NAV2: variants seen among roughly 807,000 people sequenced by gnomAD.
NAV2 encodes the protein neuron navigator 2, also known as helicase, APC down-regulated 1.
A neutral mutation model predicts 223.2 loss-of-function variants in NAV2; 54 were observed. The ratio of observed to expected loss-of-function variants is 0.24; its 90% CI spans 0.19 to 0.30. The LOEUF (loss-of-function observed/expected upper bound fraction) is 0.30, where lower values mean the gene tolerates loss of function less well. Among genes scored for constraint, NAV2 ranks in the 10% least tolerant of loss-of-function variants. The probability of loss-of-function intolerance (pLI) is 1.00; values close to 1 mark genes in which losing one functional copy is unlikely to be tolerated. For missense variants in NAV2, 2,806 were observed against 3,147.5 expected, an observed-to-expected ratio of 0.89 and a Z score of 2.60; for synonymous variants, 1,279 against 1,239.3, an observed-to-expected ratio of 1.03 and a Z score of -0.67.
At chr11:19,862,352 C>T (rs560234197) in intron 3 of NAV2, among the ~76,000 whole-genome samples, 1 of 152,332 alleles carries the variant, frequency 6.6e-6, no homozygotes, top group South Asian at 2.1e-4. Context: ...GGCATAGGGA[C>T]TCATAAGCTG....
At chr11:20,099,864 C>A (rs1162465327) in intron 31 of NAV2, among the ~76,000 whole-genome samples, 1 of 151,994 alleles carries the variant, frequency 6.6e-6, no homozygotes, top group Non-Finnish European at 1.5e-5. Flanking sequence ...AATTTAGAGA[C>A]CCTACACTCC....
intron 1 of NAV2, among the ~76,000 whole-genome samples, chr11:19,654,460 C>A (rs1418957199): frequency 1.3e-5 from 2 of 152,168 alleles, no homozygotes; most frequent in South Asian, 4.1e-4. Context: ...AAGAACAAAG[C>A]TGGAAGCATC....
chr11:19,565,767 A>T (rs1233000005), intron 1 of NAV2, among the ~76,000 whole-genome samples: 2 of 152,208 alleles, frequency 1.3e-5, no homozygotes, highest in African/African-American at 4.8e-5. Flanking sequence ...ACCCAATGAG[A>T]TGTGCTTTTC....
intron 1 of NAV2, among the ~76,000 whole-genome samples, chr11:19,717,167 C>G (rs796291448): frequency 6.6e-5 from 10 of 152,354 alleles, no homozygotes; most frequent in African/African-American, 2.4e-4. Context: ...GGCAGGGAGT[C>G]CAGCAAGGTT....
chr11:19,963,590 G>A (rs905226075), intron 10 of NAV2, among the ~76,000 whole-genome samples: 1 of 152,176 alleles, frequency 6.6e-6, no homozygotes, highest in African/African-American at 2.4e-5. Context: ...TGTAGGAACT[G>A]AAAAAAATAG....
intron 1 of NAV2, among the ~76,000 whole-genome samples, chr11:19,402,801 A>G (rs1406106923): frequency 6.6e-6 from 1 of 152,244 alleles, no homozygotes; most frequent in African/African-American, 2.4e-5. Context: ...AGCACAGCGC[A>G]TGGCACATTG....
At chr11:19,381,326 C>A (rs538469021) in intron 1 of NAV2, among the ~76,000 whole-genome samples, 66 of 152,322 alleles carry the variant, frequency 4.3e-4, no homozygotes, top group African/African-American at 1.5e-3. Context: ...GACCCTAGCA[C>A]AGTCACTGGA....
chr11:19,493,240 C>T (rs113277864), intron 1 of NAV2, among the ~76,000 whole-genome samples: 11 of 151,140 alleles, frequency 7.3e-5, no homozygotes, highest in African/African-American at 2.2e-4. Context: ...GAATACTATA[C>T]TGGAATTAAA....
intron 1 of NAV2, among the ~76,000 whole-genome samples, chr11:19,567,226 A>G (rs1433875195): frequency 6.6e-6 from 1 of 152,098 alleles, no homozygotes; most frequent in Non-Finnish European, 1.5e-5. Flanking sequence ...TTGACTGTGG[A>G]CTTCTTGCAG....
chr11:19,759,128 T>G, intron 1 of NAV2, among the ~76,000 whole-genome samples: 1 of 132,104 alleles, frequency 7.6e-6, no homozygotes, highest in African/African-American at 2.8e-5. Context: ...AGATGGAATC[T>G]TGCTCTGTCA....
At position 19,744,194 on chromosome 11, in the gene NAV2, G is replaced by A. The variant is rs184664100; in HGVS notation, c.267+30232G>A. On this transcript the variant is annotated intron_variant, in intron 1 of 37. Transcript: ENST00000349880. ...TTTAAACCCATACTTCTGCCTCTAG[G>A]GCTTGCCTTTGTGTAGTTTAAGAGT... Among the ~76,000 whole-genome samples the A allele has an allele frequency of 3.2e-4, 48 of 152,246 alleles. No homozygotes were observed. In the East Asian group the frequency reaches 8.9e-3, roughly 28 times the overall value.
rs150549310 is a variant in NAV2, at chr11:20,054,114, G to T, written c.4516G>T (p.Asp1506Tyr). The T allele has an allele frequency of 1.1e-5, 17 of 1,612,486 alleles. No individual in the cohort carries two copies. The highest frequency in any genetic ancestry group is 5.1e-5 in the Admixed American group (3 of 59,388). ...TPTSQLRTQE[D>Y]AKEWLRSHSA... ...CACCTCCCAGCTTCGCACGCAAGAA[G>T]ATGCAAAAGAATGGTTACGGTCCCA... The change falls in exon 18 of 38, where the codon GAT (aspartate) becomes TAT (tyrosine). Residue 1506 changes from aspartate to tyrosine, a missense_variant. This residue lies in a region of NAV2 where 742 missense variants were observed against 777.9 expected (regional missense o/e 0.95). Transcript: ENST00000349880.
At chr11:20,006,203 G>A (rs562163810) in intron 11 of NAV2, among the ~76,000 whole-genome samples, 6 of 152,250 alleles carry the variant, frequency 3.9e-5, no homozygotes, top group South Asian at 2.1e-4. Context: ...GGGTGTCCAG[G>A]TTCCCATAGG....
At chr11:19,863,409 C>T (rs1861255678) in intron 3 of NAV2, among the ~76,000 whole-genome samples, 1 of 152,140 alleles carries the variant, frequency 6.6e-6, no homozygotes, top group South Asian at 2.1e-4. Flanking sequence ...GCTTTAGATT[C>T]CCTAGGCTTG....
intron 1 of NAV2, among the ~76,000 whole-genome samples, chr11:19,394,764 G>A (rs1849383824): frequency 6.6e-6 from 1 of 152,190 alleles, no homozygotes; most frequent in Non-Finnish European, 1.5e-5. Context: ...TAAAACCCCA[G>A]TGAGGTGGGG....
chr11:19,362,992 A>T (rs1854046114), intron 1 of NAV2, among the ~76,000 whole-genome samples: 1 of 152,174 alleles, frequency 6.6e-6, no homozygotes, highest in African/African-American at 2.4e-5. Context: ...AGGGTTTTTT[A>T]AAATTATACT....
At chr11:20,041,434 C>G (rs1354222755) in intron 12 of NAV2, among the ~76,000 whole-genome samples, 2 of 152,122 alleles carry the variant, frequency 1.3e-5, no homozygotes, top group Non-Finnish European at 2.9e-5. Flanking sequence ...AGCTTAGTGC[C>G]TGGGACGTAG....
chr11:19,630,248 C>T (rs1232577722), intron 1 of NAV2, among the ~76,000 whole-genome samples: 1 of 152,162 alleles, frequency 6.6e-6, no homozygotes, highest in Non-Finnish European at 1.5e-5. Flanking sequence ...TCAATATCTA[C>T]CTACATAAAG....
chr11:19,468,731 C>T (rs2041866030), intron 1 of NAV2, among the ~76,000 whole-genome samples: 1 of 152,164 alleles, frequency 6.6e-6, no homozygotes, highest in African/African-American at 2.4e-5. Flanking sequence ...TGTCTAGTGT[C>T]AGCATGTAGT....
Sources: allele counts gnomAD v4.1 joint callset (sites outside exome capture counted in the v4.1 genomes callset), GRCh38; gene constraint gnomAD v4.1.1; regional missense constraint gnomAD v4.1.1; transcripts MANE v1.5; gene names NCBI Gene and HGNC (gene_info 2026-07-23, HGNC 2026-07-21).